Variants in B3GALT1 observed in about 807,000 individuals in gnomAD.
B3GALT1 encodes beta-1,3-galactosyltransferase 1.
Under a neutral mutation model 23.2 loss-of-function variants are expected in B3GALT1, and 10 were observed. That is an observed-to-expected ratio of 0.43 (90% CI 0.27 to 0.73). B3GALT1 has a LOEUF of 0.73. B3GALT1 is among the 30% of genes least tolerant of loss of function. The probability of loss-of-function intolerance (pLI) is 0.21; values close to 1 mark genes in which losing one functional copy is unlikely to be tolerated. For synonymous variants in B3GALT1, 156 were observed against 141.5 expected, an observed-to-expected ratio of 1.10 and a Z score of -0.73; for missense variants, 299 against 405.4, an observed-to-expected ratio of 0.74 and a Z score of 2.25.
At chr2:167,422,130 AGG>A (rs778514156) in intron 1 of B3GALT1, among the ~76,000 whole-genome samples, 4 of 147,550 alleles carry the variant, frequency 2.7e-5, no homozygotes, top group Non-Finnish European at 3.0e-5. Flanking sequence ...AGGGAGGAGA[AGG>A]GGGAGGAGGA....
At chr2:167,608,057 A>G (rs928911014) in intron 2 of B3GALT1, among the ~76,000 whole-genome samples, 2 of 152,324 alleles carry the variant, frequency 1.3e-5, no homozygotes, top group East Asian at 3.9e-4. Context: ...GTGTTCCCGT[A>G]GACAAAATTA....
chr2:167,415,836 T>C (rs1698460769), intron 1 of B3GALT1, among the ~76,000 whole-genome samples: 1 of 152,166 alleles, frequency 6.6e-6, no homozygotes, highest in Non-Finnish European at 1.5e-5. Flanking sequence ...TAGTTAGGGC[T>C]TTATGGATTG....
chr2:167,471,303 A>G (rs1367140846), intron 1 of B3GALT1, among the ~76,000 whole-genome samples: 1 of 152,204 alleles, frequency 6.6e-6, no homozygotes, highest in African/African-American at 2.4e-5. Flanking sequence ...TGGTGGGAAG[A>G]AGCATTCTTA....
chr2:167,585,403 T>G (rs778993496), intron 2 of B3GALT1, among the ~76,000 whole-genome samples: 1 of 152,196 alleles, frequency 6.6e-6, no homozygotes, highest in South Asian at 2.1e-4. Flanking sequence ...CCAAGCACTT[T>G]ACAAGAGGCT....
chr2:167,665,031 G>A (rs1447819277), intron 3 of B3GALT1, among the ~76,000 whole-genome samples: 1 of 151,798 alleles, frequency 6.6e-6, no homozygotes, highest in Admixed American at 6.6e-5. Flanking sequence ...GGGCATCCCT[G>A]TCTTGTGCCA....
At chr2:167,323,819 T>C (rs1696848999) in intron 1 of B3GALT1, among the ~76,000 whole-genome samples, 1 of 151,026 alleles carries the variant, frequency 6.6e-6, no homozygotes, top group South Asian at 2.1e-4. Context: ...ACTTCATGCT[T>C]GGTAGACATT....
chr2:167,656,047 T>C (rs377546152), intron 3 of B3GALT1, among the ~76,000 whole-genome samples: 16 of 152,268 alleles, frequency 1.1e-4, no homozygotes, highest in East Asian at 3.9e-4. Context: ...AGTCTCACTG[T>C]CTGTTTAGGT....
rs184732703 is a variant in B3GALT1, at chr2:167,501,480, T to C, written c.-410+11203T>C. ...CACTTAAGCTTTTAAATATGCTTTTTAAAAAAATTTCTGATTTTTGTTTAA... is the reference window on the plus strand; with the variant it reads ...CACTTAAGCTTTTAAATATGCTTTTCAAAAAAATTTCTGATTTTTGTTTAA... On this transcript the variant is annotated intron_variant, in intron 2 of 4. Transcript: ENST00000392690. Among the ~76,000 whole-genome samples the C allele has an allele frequency of 3.2e-4, 48 of 151,934 alleles. 1 individual carries two copies. Among genetic ancestry groups the C allele is most frequent in the South Asian group, 4.1e-4 (2 of 4,820 alleles).
chr2:167,367,635 A>G (rs1436784707), intron 1 of B3GALT1, among the ~76,000 whole-genome samples: 1 of 152,166 alleles, frequency 6.6e-6, no homozygotes, highest in Non-Finnish European at 1.5e-5. Flanking sequence ...AAAATCAACC[A>G]TTGTCAACGA....
chr2:167,502,211 A>G (rs943488785), intron 2 of B3GALT1, among the ~76,000 whole-genome samples: 2 of 152,190 alleles, frequency 1.3e-5, no homozygotes, highest in African/African-American at 4.8e-5. Context: ...TGCGATAAAG[A>G]AAAGAACAAG....
chr2:167,688,448 CA>C lies in B3GALT1; in HGVS notation c.-352+41488del, dbSNP rs759322548. On this transcript the variant is annotated intron_variant, in intron 3 of 4. Coordinates refer to ENST00000392690, the MANE Select transcript of B3GALT1 (RefSeq NM_020981.4). ...CTTGGCAAAAAATTAAAAGTCTCAT[CA>C]AAAAATATAAAATATGAAGAAGGAC... is the stretch of plus-strand genomic sequence containing the variant. Among the ~76,000 whole-genome samples the C allele has an allele frequency of 2.3e-4, 35 of 151,786 alleles. No homozygotes were observed. In the East Asian group the frequency reaches 5.2e-3, roughly 23 times the overall value.
chr2:167,739,826 C>CA lies in B3GALT1; in HGVS notation c.-351-78845dup, dbSNP rs140854215. ...CAGTTCTAGGCCAGGCACAGGGACT[C>CA]ACAGCTGTAATCCCAACACTTTGGG... On this transcript the variant is annotated intron_variant, in intron 3 of 4. Transcript: ENST00000392690. Among the ~76,000 whole-genome samples, 1,539 of 151,334 alleles carry CA rather than the reference C, an allele frequency of 0.01. 80 individuals are homozygous for CA. In the East Asian group the frequency reaches 0.15, roughly 15 times the overall value.
chr2:167,367,003 A>T (rs1290548215), intron 1 of B3GALT1, among the ~76,000 whole-genome samples: 1 of 152,216 alleles, frequency 6.6e-6, no homozygotes, highest in Non-Finnish European at 1.5e-5. Context: ...AAATATCGTC[A>T]CAGGCCAATC....
chr2:167,671,229 C>A (rs1284613854), intron 3 of B3GALT1, among the ~76,000 whole-genome samples: 1 of 151,878 alleles, frequency 6.6e-6, no homozygotes, highest in Non-Finnish European at 1.5e-5. Flanking sequence ...ACTTTAATAA[C>A]CCCCATGGAA....
At chr2:167,293,658 CA>C (rs753937393) in intron 1 of B3GALT1, among the ~76,000 whole-genome samples, 2 of 152,090 alleles carry the variant, frequency 1.3e-5, no homozygotes, top group Non-Finnish European at 2.9e-5. Context: ...TTCAAGGACC[CA>C]AGCTGGGCTG....
At chr2:167,621,748 G>T (rs932559555) in intron 2 of B3GALT1, among the ~76,000 whole-genome samples, 2 of 151,984 alleles carry the variant, frequency 1.3e-5, no homozygotes, top group Admixed American at 6.6e-5. Flanking sequence ...GTTCTCACAG[G>T]ATCTGATGGT....
rs190309757 is a variant in B3GALT1 at position 167,511,279 on chromosome 2, T to C, written c.-410+21002T>C. Among the ~76,000 whole-genome samples the C allele has an allele frequency of 8.5e-5, 13 of 152,352 alleles. 1 individual carries two copies. Among genetic ancestry groups the C allele is most frequent in the Middle Eastern group, 6.8e-3 (2 of 294 alleles). Reference sequence around the variant, plus strand: ...TGAATTGTAGTTCCCATAATCCTCATGGGAGGGACCAGATGGAAATAATCG... The same window carrying C: ...TGAATTGTAGTTCCCATAATCCTCACGGGAGGGACCAGATGGAAATAATCG... On this transcript the variant is annotated intron_variant, in intron 2 of 4. Transcript: ENST00000392690.
At chr2:167,805,504 A>G (rs1488999759) in intron 3 of B3GALT1, among the ~76,000 whole-genome samples, 1 of 152,170 alleles carries the variant, frequency 6.6e-6, no homozygotes, top group African/African-American at 2.4e-5. Flanking sequence ...TGATTTTTGT[A>G]TAAGGTGTAA....
intron 3 of B3GALT1, among the ~76,000 whole-genome samples, chr2:167,808,719 T>G (rs1688814368): frequency 6.6e-6 from 1 of 152,006 alleles, no homozygotes; most frequent in South Asian, 2.1e-4. Flanking sequence ...CCTTAACATT[T>G]TTTCCTTCAT....
Sources: gnomAD v4.1 joint callset for allele counts (sites outside exome capture counted in the v4.1 genomes callset) on GRCh38, gnomAD v4.1.1 for gene constraint, MANE v1.5 for transcripts, NCBI Gene and HGNC (gene_info 2026-07-23, HGNC 2026-07-21) for gene names.